Variants in TANK observed in about 807,000 individuals in gnomAD.
The protein encoded by TANK is TRAF family member-associated NF-kappa-B activator.
TANK carries 15 observed loss-of-function variants against 43.6 expected under a neutral mutation model. The observed-to-expected ratio is 0.34, with a 90% CI of 0.23 to 0.53. The LOEUF (loss-of-function observed/expected upper bound fraction) is 0.53, where lower values mean the gene tolerates loss of function less well. Among genes scored for constraint, TANK ranks in the 20% least tolerant of loss-of-function variants. The probability of loss-of-function intolerance (pLI) is 0.94; values close to 1 mark genes in which losing one functional copy is unlikely to be tolerated. For synonymous variants in TANK, 162 were observed against 178.2 expected (o/e 0.91, Z 0.73); for missense variants, 417 against 498.6 (o/e 0.84, Z 1.56).
chr2:161,152,323 G>A (rs1055846398), intron 1 of TANK, among the ~76,000 whole-genome samples: 3 of 152,074 alleles, frequency 2.0e-5, no homozygotes, highest in African/African-American at 7.2e-5. Flanking sequence ...TTTCTTTAGG[G>A]TAAGTCTACT....
At chr2:161,151,701 T>G (rs1231837614) in intron 1 of TANK, among the ~76,000 whole-genome samples, 3 of 152,214 alleles carry the variant, frequency 2.0e-5, no homozygotes, top group Non-Finnish European at 4.4e-5. Context: ...ATTTGATCAT[T>G]TGATCATGTT....
intron 1 of TANK, among the ~76,000 whole-genome samples, chr2:161,165,854 G>C (rs1264593974): frequency 6.6e-6 from 1 of 152,216 alleles, no homozygotes; most frequent in Non-Finnish European, 1.5e-5. Flanking sequence ...CAACTGAGCA[G>C]TGCCATGTTT....
intron 1 of TANK, among the ~76,000 whole-genome samples, chr2:161,146,722 G>T (rs1347803741): frequency 6.6e-6 from 1 of 152,180 alleles, no homozygotes; most frequent in Non-Finnish European, 1.5e-5. Context: ...CTGACCTTGA[G>T]GGGCACCAAC....
intron 2 of TANK, among the ~76,000 whole-genome samples, chr2:161,180,903 T>G (rs1287966142): frequency 8.1e-6 from 1 of 123,622 alleles, no homozygotes; most frequent in Admixed American, 8.1e-5. Context: ...GAGTTCAGGG[T>G]TTTTTTTTTT....
intron 4 of TANK, among the ~76,000 whole-genome samples, chr2:161,213,125 C>G (rs1242283145): frequency 6.6e-6 from 1 of 152,186 alleles, no homozygotes; most frequent in East Asian, 1.9e-4. Flanking sequence ...CTTACCCCCA[C>G]AGCCCCCAGG....
At chr2:161,155,491 G>A (rs188308200), upstream of TANK, among the ~76,000 whole-genome samples, 249 of 152,218 alleles carry the variant, frequency 1.6e-3, no homozygotes, top group African/African-American at 5.8e-3. Context: ...GAAAATGGGT[G>A]GTATGATGTT....
chr2:161,148,944 T>C (rs569014681), intron 1 of TANK, among the ~76,000 whole-genome samples: 21 of 152,310 alleles, frequency 1.4e-4, no homozygotes, highest in African/African-American at 5.1e-4. Flanking sequence ...CCAACTTTGT[T>C]TTTCCTTTGC....
At chr2:161,191,473 C>A (rs929360474) in intron 2 of TANK, among the ~76,000 whole-genome samples, 22 of 152,172 alleles carry the variant, frequency 1.4e-4, no homozygotes, top group African/African-American at 5.3e-4. Context: ...TCATCTTCAT[C>A]ACTAAGATTT....
intron 1 of TANK, among the ~76,000 whole-genome samples, chr2:161,170,342 CA>C (rs1684888848): frequency 6.6e-6 from 1 of 152,096 alleles, no homozygotes. Context: ...GCAAGATGAA[CA>C]AAGTGCTGTT....
chr2:161,202,024 G>C (rs1686436227), intron 2 of TANK, among the ~76,000 whole-genome samples: 1 of 152,016 alleles, frequency 6.6e-6, no homozygotes, highest in South Asian at 2.1e-4. Flanking sequence ...TGAATTCTGT[G>C]GGGAATGTGA....
chr2:161,169,476 AG>A (rs1455661102), intron 1 of TANK, among the ~76,000 whole-genome samples: 1 of 152,204 alleles, frequency 6.6e-6, no homozygotes, highest in Non-Finnish European at 1.5e-5. Context: ...GGAGAATAGG[AG>A]GTAGGGGATA....
At chr2:161,162,033 ATTTTTTTCTTTGTTTTTATG>A (rs1684464931) in intron 1 of TANK, 1 of 152,000 alleles carries the variant, frequency 6.6e-6, no homozygotes, top group African/African-American at 2.4e-5. Flanking sequence ...TAAGGATTTA[ATTTTTTTCTTTGTTTTTATG>A]ACTAGGCAGC....
intron 4 of TANK, among the ~76,000 whole-genome samples, chr2:161,213,876 T>C (rs543189523): frequency 6.6e-6 from 1 of 152,320 alleles, no homozygotes; most frequent in East Asian, 1.9e-4. Flanking sequence ...AGCGTATCAA[T>C]GAACTTTTCT....
At chr2:161,138,058 G>A (rs1367850275) in intron 1 of TANK, 1 of 537,244 alleles carries the variant, frequency 1.9e-6, no homozygotes, top group Non-Finnish European at 2.4e-6. Context: ...TTACACTAAA[G>A]TGTTAATCTT....
intron 1 of TANK, among the ~76,000 whole-genome samples, chr2:161,171,893 TG>T (rs1368908751): frequency 6.6e-6 from 1 of 152,196 alleles, no homozygotes; most frequent in Non-Finnish European, 1.5e-5. Context: ...TTGAGATTAC[TG>T]AAAATATTTT....
rs144869762 is a variant in TANK at position 161,173,470 on chromosome 2, C to T, written c.-49-6144C>T. On this transcript the variant is annotated intron_variant, in intron 1 of 7. Coordinates refer to ENST00000392749, the MANE Select transcript of TANK (RefSeq NM_001199135.3). ...TTCCACAATCCTTATTTTGATTGTT[C>T]CTTCTATTGAGCCTTTATCTTGTTT... Among the ~76,000 whole-genome samples, 8 of 152,180 alleles carry T rather than the reference C, an allele frequency of 5.3e-5. No individual in the cohort carries two copies. In the East Asian group the frequency reaches 1.5e-3, roughly 29 times the overall value.
intron 2 of TANK, among the ~76,000 whole-genome samples, chr2:161,181,360 C>T (rs548356040): frequency 6.6e-6 from 1 of 152,276 alleles, no homozygotes; most frequent in African/African-American, 2.4e-5. Flanking sequence ...GCGGAAGTTG[C>T]AGTGAGCTGA....
intron 4 of TANK, among the ~76,000 whole-genome samples, chr2:161,220,709 T>A (rs1199059240): frequency 6.6e-6 from 1 of 152,252 alleles, no homozygotes; most frequent in East Asian, 1.9e-4. Context: ...TTATTTCTTT[T>A]CTGTATCTTT....
intron 1 of TANK, among the ~76,000 whole-genome samples, chr2:161,150,660 C>T (rs570465121): frequency 4.5e-4 from 65 of 143,696 alleles, no homozygotes; most frequent in African/African-American, 1.5e-3. Context: ...AATCTTGGCT[C>T]ACTGCAATCT....
Sources: gnomAD v4.1 joint callset for allele counts (sites outside exome capture counted in the v4.1 genomes callset) on GRCh38, gnomAD v4.1.1 for gene constraint, MANE v1.5 for transcripts, NCBI Gene and HGNC (gene_info 2026-07-23, HGNC 2026-07-21) for gene names.